ALK: variants seen among roughly 807,000 people sequenced by gnomAD.
ALK encodes the protein ALK tyrosine kinase receptor.
In ALK, 74 loss-of-function variants were observed where a neutral mutation model predicts 163.1. The observed-to-expected ratio is 0.45, with a 90% CI of 0.38 to 0.55. The LOEUF is 0.55. Among genes scored for constraint, ALK ranks in the 20% least tolerant of loss-of-function variants. ALK has a pLI of 0.00. For synonymous variants in ALK, 960 were observed against 843.2 expected (o/e 1.14, Z -2.40); for missense variants, 2,063 against 2,105.3 (o/e 0.98, Z 0.39).
intron 4 of ALK, among the ~76,000 whole-genome samples, chr2:29,505,640 A>G (rs10209169): frequency 0.84 from 127,891 of 151,778 alleles, 54,269 homozygotes; most frequent in Non-Finnish European, 0.9. Flanking sequence ...CCCTGTTTAC[A>G]GTGGCTGTAG....
intron 4 of ALK, among the ~76,000 whole-genome samples, chr2:29,459,693 C>G (rs1671040234): frequency 6.6e-6 from 1 of 151,984 alleles, no homozygotes; most frequent in Admixed American, 6.6e-5. Flanking sequence ...TCTTGTGACA[C>G]TGAAGTAACA....
chr2:29,274,594 T>C (rs1376872479), intron 11 of ALK, among the ~76,000 whole-genome samples: 1 of 152,236 alleles, frequency 6.6e-6, no homozygotes, highest in Non-Finnish European at 1.5e-5. Context: ...ATGAGAAGTC[T>C]TGGCTTGGGG....
chr2:29,398,382 T>C (rs1669362736), intron 4 of ALK, among the ~76,000 whole-genome samples: 1 of 152,096 alleles, frequency 6.6e-6, no homozygotes, highest in Admixed American at 6.6e-5. Context: ...CTCGGCCATC[T>C]CCAAAACAGG....
intron 12 of ALK, among the ~76,000 whole-genome samples, chr2:29,249,779 C>G (rs1422973083): frequency 6.6e-6 from 1 of 152,166 alleles, no homozygotes; most frequent in East Asian, 1.9e-4. Context: ...AGGCTTGGCT[C>G]AGCAGGAAGG....
intron 4 of ALK, among the ~76,000 whole-genome samples, chr2:29,517,359 G>A (rs1336960825): frequency 1.3e-5 from 2 of 152,046 alleles, no homozygotes; most frequent in African/African-American, 4.8e-5. Context: ...TATCTAGTGG[G>A]TCATTATATC....
chr2:29,828,853 G>A (rs905557150), intron 1 of ALK, among the ~76,000 whole-genome samples: 2 of 152,032 alleles, frequency 1.3e-5, no homozygotes, highest in African/African-American at 2.4e-5. Flanking sequence ...CTGCTATAAA[G>A]ACACATGCAC....
intron 1 of ALK, among the ~76,000 whole-genome samples, chr2:29,863,894 A>G (rs1210325730): frequency 6.6e-6 from 1 of 152,152 alleles, no homozygotes; most frequent in Non-Finnish European, 1.5e-5. Context: ...TGAGGTCTGA[A>G]GGCTTTCCCA....
rs192203907 is a variant in ALK at position 29,354,968 on chromosome 2, G to A, written c.1283-26487C>T. On this transcript the variant is annotated intron_variant, in intron 5 of 28. Coordinates refer to ENST00000389048, the MANE Select transcript of ALK (RefSeq NM_004304.5). The stretch of plus-strand genomic sequence containing the variant: ...TTTTTAGTAGAGACGGGGTTTCACT[G>A]TGTTAGCCAGGATGGTCTCAGTCTC... Among the ~76,000 whole-genome samples, 926 of 152,060 alleles carry A rather than the reference G, an allele frequency of 6.1e-3. 12 individuals are homozygous for A. Among genetic ancestry groups the A allele is most frequent in the African/African-American group, 0.021 (875 of 41,442 alleles).
chr2:29,639,877 A>G (rs1269597539), intron 3 of ALK, among the ~76,000 whole-genome samples: 4 of 152,242 alleles, frequency 2.6e-5, no homozygotes, highest in Non-Finnish European at 4.4e-5. Flanking sequence ...GTTCAGGTCC[A>G]GGGTTTGCAT....
intron 9 of ALK, among the ~76,000 whole-genome samples, chr2:29,282,741 G>A (rs1665747438): frequency 6.6e-6 from 1 of 152,178 alleles, no homozygotes; most frequent in Admixed American, 6.5e-5. Context: ...AAATAAGAGA[G>A]AAAATGAATT....
intron 3 of ALK, among the ~76,000 whole-genome samples, chr2:29,656,563 T>C (rs1435205774): frequency 6.6e-6 from 1 of 152,200 alleles, no homozygotes; most frequent in Non-Finnish European, 1.5e-5. Flanking sequence ...CTATGTGACA[T>C]ACATGTATTA....
At chr2:29,562,141 A>G (rs985887736) in intron 3 of ALK, among the ~76,000 whole-genome samples, 1 of 152,172 alleles carries the variant, frequency 6.6e-6, no homozygotes, top group African/African-American at 2.4e-5. Flanking sequence ...TTTCTGCTGG[A>G]CAACCATGGG....
intron 3 of ALK, among the ~76,000 whole-genome samples, chr2:29,583,274 A>T (rs1428877317): frequency 6.6e-6 from 1 of 152,144 alleles, no homozygotes; most frequent in Non-Finnish European, 1.5e-5. Flanking sequence ...TAAACATTGC[A>T]TCATGCTTTA....
At chr2:29,232,505 C>T (rs1558629851) in intron 14 of ALK, 57 bp from the exon 15 acceptor site, 16 of 1,610,126 alleles carry the variant, frequency 9.9e-6, no homozygotes, top group Middle Eastern at 1.6e-4. Context: ...CCCCTGGAGC[C>T]CCTAAGCTCT....
chr2:29,331,467 G>T (rs1306998919), intron 5 of ALK, among the ~76,000 whole-genome samples: 1 of 152,170 alleles, frequency 6.6e-6, no homozygotes, highest in Non-Finnish European at 1.5e-5. Context: ...CAGGATCAAA[G>T]TACAGAGGGA....
At chr2:29,333,146 C>T (rs992183975) in intron 5 of ALK, among the ~76,000 whole-genome samples, 2 of 152,012 alleles carry the variant, frequency 1.3e-5, no homozygotes, top group Non-Finnish European at 2.9e-5. Context: ...GGCAGAGTCT[C>T]ACTCTGTGGC....
chr2:29,451,067 G>A (rs1670808390), intron 4 of ALK, among the ~76,000 whole-genome samples: 1 of 152,152 alleles, frequency 6.6e-6, no homozygotes, highest in Non-Finnish European at 1.5e-5. Flanking sequence ...CATCCTGTGG[G>A]TCTGATGTTT....
At chr2:29,899,209 A>G (rs568240422) in intron 1 of ALK, among the ~76,000 whole-genome samples, 1 of 152,308 alleles carries the variant, frequency 6.6e-6, no homozygotes, top group African/African-American at 2.4e-5. Flanking sequence ...GCTTGAGACT[A>G]TGAATTGTGT....
At chr2:29,700,485 G>A (rs1345623561) in intron 2 of ALK, among the ~76,000 whole-genome samples, 3 of 152,070 alleles carry the variant, frequency 2.0e-5, no homozygotes, top group Admixed American at 6.5e-5. Context: ...CGGAGGGTGC[G>A]GTGAGCCGAG....
Sources: gnomAD v4.1 joint callset for allele counts (sites outside exome capture counted in the v4.1 genomes callset) on GRCh38, gnomAD v4.1.1 for gene constraint, MANE v1.5 for transcripts, NCBI Gene and HGNC (gene_info 2026-07-23, HGNC 2026-07-21) for gene names.